The following HS6ST3 variants were observed in gnomAD, a reference collection of about 807,000 sequenced individuals.
The protein encoded by HS6ST3 is heparan-sulfate 6-O-sulfotransferase 3.
HS6ST3 carries 12 observed loss-of-function variants against 36.7 expected under a neutral mutation model. The observed-to-expected ratio is 0.33, with a 90% CI of 0.21 to 0.53. The LOEUF (loss-of-function observed/expected upper bound fraction) is 0.53, where lower values mean the gene tolerates loss of function less well. Among genes scored for constraint, HS6ST3 ranks in the 20% least tolerant of loss-of-function variants. The pLI, the probability that HS6ST3 is intolerant of heterozygous loss-of-function variation, is 0.95. For synonymous variants in HS6ST3, 240 were observed against 257.5 expected (o/e 0.93, Z 0.65); for missense variants, 584 against 640.9 (o/e 0.91, Z 0.96).
At chr13:96,366,506 G>C (rs1415329093) in intron 1 of HS6ST3, among the ~76,000 whole-genome samples, 2 of 151,010 alleles carry the variant, frequency 1.3e-5, no homozygotes, top group African/African-American at 4.9e-5. Context: ...GATCATGTAA[G>C]GCCCTAGAGT....
intron 1 of HS6ST3, among the ~76,000 whole-genome samples, chr13:96,309,279 A>T (rs1293674112): frequency 2.0e-5 from 3 of 152,130 alleles, no homozygotes. Context: ...TGCTAAGCAT[A>T]GCGCATAGGC....
intron 1 of HS6ST3, among the ~76,000 whole-genome samples, chr13:96,649,084 C>T (rs946091269): frequency 1.3e-5 from 2 of 151,952 alleles, no homozygotes; most frequent in Non-Finnish European, 2.9e-5. Context: ...CACAGATTTG[C>T]CCCACCCACA....
intron 1 of HS6ST3, among the ~76,000 whole-genome samples, chr13:96,390,372 T>C (rs2139451250): frequency 6.6e-6 from 1 of 152,242 alleles, no homozygotes; most frequent in Middle Eastern, 3.4e-3. Flanking sequence ...TGGTGGTGAT[T>C]AATCCCCTCA....
chr13:96,415,926 G>T (rs1476720865), intron 1 of HS6ST3, among the ~76,000 whole-genome samples: 2 of 152,178 alleles, frequency 1.3e-5, no homozygotes, highest in Non-Finnish European at 2.9e-5. Context: ...TGGTAAGTTA[G>T]TTGACTATTA....
chr13:96,703,284 C>A (rs192428803), intron 1 of HS6ST3, among the ~76,000 whole-genome samples: 2 of 152,186 alleles, frequency 1.3e-5, no homozygotes, highest in African/African-American at 2.4e-5. Context: ...GATGCTTTTA[C>A]ACAGCTTGCT....
At chr13:96,715,103 A>T (rs185921342) in intron 1 of HS6ST3, among the ~76,000 whole-genome samples, 89 of 152,340 alleles carry the variant, frequency 5.8e-4, no homozygotes, top group Admixed American at 1.6e-3. Context: ...AATCACAAAT[A>T]CTATATTAAA....
At chr13:96,762,604 T>C (rs1305453220) in intron 1 of HS6ST3, among the ~76,000 whole-genome samples, 1 of 152,140 alleles carries the variant, frequency 6.6e-6, no homozygotes, top group Non-Finnish European at 1.5e-5. Flanking sequence ...CTCTCGTGGG[T>C]TGGTTCTGTG....
intron 1 of HS6ST3, among the ~76,000 whole-genome samples, chr13:96,815,639 T>C (rs1306867311): frequency 1.3e-5 from 2 of 152,124 alleles, no homozygotes; most frequent in African/African-American, 2.4e-5. Flanking sequence ...TCACTCAATT[T>C]CTTTAGAGAG....
chr13:96,263,386 G>A (rs1001892520), intron 1 of HS6ST3, among the ~76,000 whole-genome samples: 33 of 152,250 alleles, frequency 2.2e-4, no homozygotes, highest in Middle Eastern at 3.4e-3. Flanking sequence ...TTTCCAGTCC[G>A]TATTCTACAG....
chr13:96,614,069 C>T (rs912747944), intron 1 of HS6ST3, among the ~76,000 whole-genome samples: 8 of 151,850 alleles, frequency 5.3e-5, no homozygotes, highest in African/African-American at 7.2e-5. Flanking sequence ...GAGGCCGAGG[C>T]GGGCGAATGA....
chr13:96,322,731 T>C (rs2055010563), intron 1 of HS6ST3, among the ~76,000 whole-genome samples: 1 of 152,214 alleles, frequency 6.6e-6, no homozygotes, highest in Admixed American at 6.5e-5. Flanking sequence ...GTCTCCGTTC[T>C]ACATTTTCCT....
At chr13:96,461,987 T>A (rs2055786800) in intron 1 of HS6ST3, among the ~76,000 whole-genome samples, 1 of 152,224 alleles carries the variant, frequency 6.6e-6, no homozygotes, top group Non-Finnish European at 1.5e-5. Flanking sequence ...AGTTGTGTTA[T>A]CTCAGGAATG....
intron 1 of HS6ST3, among the ~76,000 whole-genome samples, chr13:96,244,523 T>A (rs1358601823): frequency 1.3e-5 from 2 of 152,156 alleles, no homozygotes; most frequent in Non-Finnish European, 2.9e-5. Context: ...ATTAAGGGAA[T>A]AGAAGATGTC....
chr13:96,093,559 G>A (rs1265026856), intron 1 of HS6ST3, among the ~76,000 whole-genome samples: 2 of 35,584 alleles, frequency 5.6e-5, no homozygotes. Flanking sequence ...ACCCTGTTCT[G>A]GTTTCCTTTC....
chr13:96,283,982 A>G (rs1188287340), intron 1 of HS6ST3, among the ~76,000 whole-genome samples: 1 of 152,188 alleles, frequency 6.6e-6, no homozygotes, highest in Non-Finnish European at 1.5e-5. Flanking sequence ...TAGTTTGCTT[A>G]TTAAATGCCA....
At chr13:96,248,492 A>G (rs974560907) in intron 1 of HS6ST3, among the ~76,000 whole-genome samples, 2 of 152,200 alleles carry the variant, frequency 1.3e-5, no homozygotes, top group African/African-American at 4.8e-5. Flanking sequence ...ATATAAAAGG[A>G]AAATGTAATT....
Position 96,128,066 on chromosome 13 carries a change from C to T in HS6ST3, c.707+36497C>T, listed in dbSNP as rs1044911708. 3.9e-5 allele frequency among the ~76,000 whole-genome samples: 6 copies of T among 152,310 alleles called. 1 individual carries two copies. The highest frequency in any genetic ancestry group is 3.3e-4 in the Admixed American group (5 of 15,292). ...GTATTGTCAAAGGCTTCGTGAATTG[C>T]TTCTGTTGTACACTTATCGAGTGAT... On this transcript the variant is annotated intron_variant, in intron 1 of 1. Transcript: ENST00000376705.
At chr13:96,555,559 A>G (rs2138951534) in intron 1 of HS6ST3, among the ~76,000 whole-genome samples, 1 of 152,340 alleles carries the variant, frequency 6.6e-6, no homozygotes, top group South Asian at 2.1e-4. Flanking sequence ...ACCTACAGCG[A>G]CATTGTATTT....
chr13:96,722,458 C>T (rs1421727567), intron 1 of HS6ST3, among the ~76,000 whole-genome samples: 3 of 151,974 alleles, frequency 2.0e-5, no homozygotes, highest in Non-Finnish European at 4.4e-5. Context: ...TTTGAATTCA[C>T]ATTTATGCTT....
Sources: allele counts gnomAD v4.1 joint callset (sites outside exome capture counted in the v4.1 genomes callset), GRCh38; gene constraint gnomAD v4.1.1; transcripts MANE v1.5; gene names NCBI Gene and HGNC (gene_info 2026-07-23, HGNC 2026-07-21).